Variants in LANCL1 observed in about 807,000 individuals in gnomAD.
LANCL1 encodes the protein LanC like glutathione S-transferase 1.
In LANCL1, 50 loss-of-function variants were observed where a neutral mutation model predicts 50.6. That is an observed-to-expected ratio of 0.99 (90% CI 0.79 to 1.25). The LOEUF (loss-of-function observed/expected upper bound fraction) is 1.25, where lower values mean the gene tolerates loss of function less well. Ranked by LOEUF, LANCL1 falls within the 50% of genes most tolerant of loss-of-function variation. The pLI, the probability that LANCL1 is intolerant of heterozygous loss-of-function variation, is 0.00. For synonymous variants in LANCL1, 188 were observed against 178.6 expected (o/e 1.05, Z -0.42); for missense variants, 532 against 480.7 (o/e 1.11, Z -1.00).
rs1574413035 is a variant in LANCL1 at position 210,438,022 on chromosome 2, A to G, written c.691-150T>C. 9 of 508,458 alleles carry G rather than the reference A, an allele frequency of 1.8e-5. No individual in the cohort carries two copies. In the South Asian group the frequency reaches 2.0e-4, roughly 11 times the overall value. The allele number at this position is 508,458 out of a possible 1,614,324, so 31.5% of individuals were successfully genotyped here. A position where few individuals can be genotyped will look rare whatever the true frequency, so the allele number is the denominator to read the frequency against. On this transcript the variant is annotated intron_variant, in intron 6 of 9. Coordinates refer to ENST00000450366, the MANE Select transcript of LANCL1 (RefSeq NM_006055.3). ...TTCATCCAATTTTTCCACCTATTGG[A>G]TGCCTTTATTTTAAGCTTTTGTGAT...
In LANCL1 at chr2:210,464,677, T is replaced by C. The variant is rs866377756; in HGVS notation, c.199+7282A>G. Among the ~76,000 whole-genome samples the C allele has an allele frequency of 3.0e-4, 46 of 152,298 alleles. 1 individual carries two copies. In the Middle Eastern group the frequency reaches 0.027, roughly 90 times the overall value. On this transcript the variant is annotated intron_variant, in intron 3 of 9. Coordinates refer to ENST00000450366, the MANE Select transcript of LANCL1 (RefSeq NM_006055.3). ...AAAAGCTAAAATTTATTAAAACTTA[T>C]GCGTACAGGCCGGGCGCGGTGGCTC...
At chr2:210,456,811 T>C (rs1488707182) in intron 3 of LANCL1, among the ~76,000 whole-genome samples, 4 of 152,180 alleles carry the variant, frequency 2.6e-5, no homozygotes, top group Non-Finnish European at 5.9e-5. Flanking sequence ...AAATAAAAAG[T>C]GATTAAACAC....
chr2:210,443,164 G>T (rs1215535932), intron 4 of LANCL1, among the ~76,000 whole-genome samples: 1 of 152,202 alleles, frequency 6.6e-6, no homozygotes, highest in Non-Finnish European at 1.5e-5. Context: ...TCAGGAACCA[G>T]CAAGTAGGGG....
intron 6 of LANCL1, among the ~76,000 whole-genome samples, chr2:210,438,197 C>T (rs960975842): frequency 2.8e-5 from 4 of 142,676 alleles, no homozygotes; most frequent in East Asian, 2.1e-4. Flanking sequence ...TGCAATGGTG[C>T]GATCTTGGCT....
chr2:210,474,379 T>C (rs948040206), intron 2 of LANCL1, among the ~76,000 whole-genome samples: 1 of 152,112 alleles, frequency 6.6e-6, no homozygotes, highest in African/African-American at 2.4e-5. Context: ...TTATTACTCT[T>C]GGGTCAGGGT....
chr2:210,455,756 G>C (rs188318601), intron 3 of LANCL1, among the ~76,000 whole-genome samples: 1 of 151,668 alleles, frequency 6.6e-6, no homozygotes, highest in East Asian at 1.9e-4. Flanking sequence ...CAAAGACCAG[G>C]GAATGAAAAT....
intron 3 of LANCL1, chr2:210,471,657 T>A (rs1480030977): frequency 1.9e-5 from 10 of 531,348 alleles, no homozygotes; most frequent in Admixed American, 1.3e-4. Context: ...TGAAATTACA[T>A]CTGCAAATTA....
chr2:210,461,278 C>T (rs1038221330), intron 3 of LANCL1, among the ~76,000 whole-genome samples: 4 of 152,030 alleles, frequency 2.6e-5, no homozygotes, highest in South Asian at 2.1e-4. Flanking sequence ...ATGCCCATAG[C>T]TCTTTCTACT....
At chr2:210,465,975 C>G (rs1251451982) in intron 3 of LANCL1, among the ~76,000 whole-genome samples, 9 of 152,140 alleles carry the variant, frequency 5.9e-5, no homozygotes, top group Admixed American at 5.9e-4. Context: ...GGTTTATGAT[C>G]AGGACTACCC....
chr2:210,454,335 CTGT>C (rs1462560553), intron 4 of LANCL1, among the ~76,000 whole-genome samples: 2 of 151,982 alleles, frequency 1.3e-5, no homozygotes, highest in South Asian at 2.1e-4. Context: ...TCCAAAAAGC[CTGT>C]TGTTTAAATA....
At chr2:210,471,504 T>C (rs1694222432) in intron 3 of LANCL1, 3 of 450,536 alleles carry the variant, frequency 6.7e-6, no homozygotes, top group South Asian at 3.2e-5. Flanking sequence ...AGTAATACTT[T>C]ACCCTGTATG....
chr2:210,477,520 C>T (rs1362373073), upstream of LANCL1: 1 of 1,302,986 alleles, frequency 7.7e-7, no homozygotes, highest in Non-Finnish European at 9.7e-7. Flanking sequence ...GCCTCACTCT[C>T]TCCTTTTCCT....
In LANCL1 at chr2:210,453,820, T is replaced by A. The variant is rs376930059; in HGVS notation, c.407+1287A>T. The stretch of plus-strand genomic sequence containing the variant: ...CAAGTCTTATGCAAGTCAGCTACTA[T>A]GGAAGGAACACACTTTAAACTTTGG... On this transcript the variant is annotated intron_variant, in intron 4 of 9. Coordinates refer to ENST00000450366, the MANE Select transcript of LANCL1 (RefSeq NM_006055.3). 1.8e-4 allele frequency among the ~76,000 whole-genome samples: 28 copies of A among 152,272 alleles called. No individual in the cohort carries two copies. In the East Asian group the frequency reaches 4.2e-3, roughly 23 times the overall value.
In LANCL1 at chr2:210,440,664, T is replaced by C; in HGVS notation, c.624A>G (p.Glu208=). ...CCCCTACATAATATTCCTGGTACCA[T>C]TCATACATCAGTGGAGACTTTGCCG... ...NFTAKSPLMY[E]WYQEYYVGAA... is the part of the protein sequence containing the mutation. The change falls in exon 6 of 10, where the codon GAA becomes GAG. Residue 208 remains glutamate (E), a synonymous_variant. Coordinates refer to ENST00000450366, the MANE Select transcript of LANCL1 (RefSeq NM_006055.3). 6.2e-7 allele frequency: 1 copy of C among 1,613,644 alleles called. No homozygotes were observed. Among genetic ancestry groups the C allele is most frequent in the Non-Finnish European group, 8.5e-7 (1 of 1,179,558 alleles).
intron 3 of LANCL1, among the ~76,000 whole-genome samples, chr2:210,470,353 T>C (rs937575188): frequency 6.6e-6 from 1 of 152,190 alleles, no homozygotes; most frequent in East Asian, 1.9e-4. Flanking sequence ...GTCTTATTTT[T>C]ACAAAACATT....
At chr2:210,454,105 G>C (rs1029450758) in intron 4 of LANCL1, among the ~76,000 whole-genome samples, 5 of 151,974 alleles carry the variant, frequency 3.3e-5, no homozygotes, top group Non-Finnish European at 1.5e-5. Flanking sequence ...ATTTTGGGTG[G>C]AGCAAGACTC....
intron 4 of LANCL1, among the ~76,000 whole-genome samples, chr2:210,443,095 A>G (rs1034548316): frequency 1.3e-5 from 2 of 152,188 alleles, no homozygotes; most frequent in Admixed American, 6.5e-5. Context: ...AGTCATAGAC[A>G]TGGCACAGCA....
intron 3 of LANCL1, chr2:210,468,693 G>C (rs1244668817): frequency 2.6e-5 from 4 of 152,232 alleles, no homozygotes; most frequent in African/African-American, 9.7e-5. Context: ...AGCCTGAAAA[G>C]CTGATGTAAT....
At chr2:210,476,247 CA>C in intron 2 of LANCL1, 68 bp downstream of exon 2, 3 of 1,119,970 alleles carry the variant, frequency 2.7e-6, no homozygotes, top group South Asian at 1.3e-5. Flanking sequence ...CTCTCTCAGG[CA>C]AAAATGAGCA....
Sources: allele counts gnomAD v4.1 joint callset (sites outside exome capture counted in the v4.1 genomes callset), GRCh38; gene constraint gnomAD v4.1.1; transcripts MANE v1.5; gene names NCBI Gene and HGNC (gene_info 2026-07-23, HGNC 2026-07-21).